Variants in CUL2 observed in about 807,000 individuals in gnomAD.
The protein encoded by CUL2 is cullin-2.
In CUL2, 22 loss-of-function variants were observed where a neutral mutation model predicts 110.2. The ratio of observed to expected loss-of-function variants is 0.20; its 90% CI spans 0.14 to 0.28. CUL2 has a LOEUF of 0.28. CUL2 is among the 10% of genes least tolerant of loss of function. The pLI, the probability that CUL2 is intolerant of heterozygous loss-of-function variation, is 1.00. For missense variants in CUL2, 631 were observed against 905.5 expected, an observed-to-expected ratio of 0.70 and a Z score of 3.89; for synonymous variants, 279 against 293.2, an observed-to-expected ratio of 0.95 and a Z score of 0.49.
intron 1 of CUL2, among the ~76,000 whole-genome samples, chr10:35,119,387 G>T (rs1040776944): frequency 6.6e-6 from 1 of 152,068 alleles, no homozygotes; most frequent in Non-Finnish European, 1.5e-5. Context: ...CTGTGGAGTT[G>T]CTTGAGCCAT....
chr10:35,056,906 A>C (rs1469094829), intron 4 of CUL2, among the ~76,000 whole-genome samples: 1 of 152,108 alleles, frequency 6.6e-6, no homozygotes, highest in Non-Finnish European at 1.5e-5. Flanking sequence ...CTGTCTTCCT[A>C]AAGTATGCAT....
chr10:35,125,207 G>A (rs532823277), intron 1 of CUL2, among the ~76,000 whole-genome samples: 4 of 152,240 alleles, frequency 2.6e-5, no homozygotes, highest in African/African-American at 9.6e-5. Context: ...TACAGCAAGG[G>A]TATAGCAGAG....
chr10:35,017,491 C>T (rs112443055), intron 17 of CUL2, among the ~76,000 whole-genome samples: 3,033 of 152,040 alleles, frequency 0.02, 45 homozygotes, highest in South Asian at 0.038. Flanking sequence ...CCCAGGAGTT[C>T]GAGACCAGCC....
intron 1 of CUL2, among the ~76,000 whole-genome samples, chr10:35,119,560 TTTTATTTATTTA>T (rs10589195): frequency 0.2 from 28,160 of 140,624 alleles, 2,811 homozygotes; most frequent in East Asian, 0.23. Flanking sequence ...TTAAAATTAA[TTTTATTTATTTA>T]TTTATTTATT....
chr10:35,083,646 A>C (rs2086992982), intron 1 of CUL2, among the ~76,000 whole-genome samples: 2 of 152,232 alleles, frequency 1.3e-5, no homozygotes, highest in Non-Finnish European at 2.9e-5. Context: ...GACACAAGTT[A>C]AACTAAAGGT....
chr10:35,010,787 G>C (rs3780889), intron 20 of CUL2, among the ~76,000 whole-genome samples: 35,152 of 151,958 alleles, frequency 0.23, 4,547 homozygotes, highest in African/African-American at 0.35. Context: ...TACTGTATAC[G>C]TTTCCTTCAG....
chr10:35,083,163 A>T (rs1280279899), intron 1 of CUL2, among the ~76,000 whole-genome samples: 1 of 151,946 alleles, frequency 6.6e-6, no homozygotes, highest in East Asian at 1.9e-4. Context: ...TCAAAAAAAA[A>T]AAAAAAGAAA....
intron 9 of CUL2, among the ~76,000 whole-genome samples, chr10:35,038,543 A>AG: frequency 1.3e-5 from 2 of 149,356 alleles, no homozygotes; most frequent in South Asian, 4.2e-4. Flanking sequence ...AAAAAAAAAA[A>AG]AAAAAAATCA....
intron 5 of CUL2, among the ~76,000 whole-genome samples, chr10:35,050,432 A>G (rs2086074224): frequency 6.6e-6 from 1 of 152,248 alleles, no homozygotes; most frequent in South Asian, 2.1e-4. Flanking sequence ...TAAATGAAAT[A>G]ATGTGATTTG....
chr10:35,105,723 A>G (rs963296662), intron 1 of CUL2, among the ~76,000 whole-genome samples: 7 of 152,124 alleles, frequency 4.6e-5, no homozygotes, highest in Non-Finnish European at 7.4e-5. Context: ...AAAAAAAGAA[A>G]AAAACCCAAA....
chr10:35,045,843 T>C (rs2085925302), intron 6 of CUL2, among the ~76,000 whole-genome samples: 1 of 152,216 alleles, frequency 6.6e-6, no homozygotes, highest in South Asian at 2.1e-4. Flanking sequence ...ACCATTATGG[T>C]TTACCTCACT....
chr10:35,032,893 T>TA (rs986139969), intron 11 of CUL2, among the ~76,000 whole-genome samples: 11 of 152,112 alleles, frequency 7.2e-5, no homozygotes, highest in African/African-American at 2.7e-4. Flanking sequence ...AAATCAGTAC[T>TA]AAAAATTGCA....
At chr10:35,012,585 C>T (rs2084930745) in intron 19 of CUL2, among the ~76,000 whole-genome samples, 2 of 152,314 alleles carry the variant, frequency 1.3e-5, no homozygotes, top group South Asian at 2.1e-4. Context: ...GGCATAGAAG[C>T]AGACCATGCC....
chr10:35,125,056 T>A lies in CUL2; in HGVS notation c.-51+1549A>T, dbSNP rs116950476. ...GGCAGATATTTTTTAAAATCTACAA[T>A]AATCCTAACAGGTAGGTACTATTTT... On this transcript the variant is annotated intron_variant, in intron 1 of 5. Transcript: ENST00000685421. Among the ~76,000 whole-genome samples, 138 of 152,332 alleles carry A rather than the reference T, an allele frequency of 9.1e-4. 2 individuals are homozygous for A. The East Asian group carries it at 0.025, about 28-fold the overall frequency.
chr10:35,035,432 C>G, intron 9 of CUL2, 136 bp from the exon 10 acceptor site: 2 of 770,212 alleles, frequency 2.6e-6, no homozygotes, highest in Non-Finnish European at 4.1e-6. Context: ...ATGCCCACCT[C>G]CCAGCCACCC....
At position 35,063,050 on chromosome 10, in the gene CUL2, A is replaced by G. The variant is rs190445375; in HGVS notation, c.132T>C (p.Ala44=). ...GGGGTTCAGGATAGGCCACACATAAAGCATAGATATCTCTAGTTAAATTAT... is the reference window on the plus strand; with the variant it reads ...GGGGTTCAGGATAGGCCACACATAAGGCATAGATATCTCTAGTTAAATTAT... ...TWNDRFSDIY[A]LCVAYPEPLG... The change falls in exon 3 of 21, where the codon GCT becomes GCC. Residue 44 remains alanine (A), a synonymous_variant. Transcript: ENST00000374749. 59 of 1,565,898 alleles carry G rather than the reference A, an allele frequency of 3.8e-5. No individual in the cohort carries two copies. In the African/African-American group the frequency reaches 5.6e-4, roughly 15 times the overall value.
intron 2 of CUL2, chr10:35,097,971 TAATTAAATAA>T (rs1245899892): frequency 2.0e-5 from 3 of 151,744 alleles, no homozygotes; most frequent in Non-Finnish European, 4.4e-5. Flanking sequence ...AAAAATTAAT[TAATTAAATAA>T]AATTAAATAA....
chr10:35,083,827 C>G (rs1300335006), intron 1 of CUL2, among the ~76,000 whole-genome samples: 1 of 152,208 alleles, frequency 6.6e-6, no homozygotes, highest in East Asian at 1.9e-4. Flanking sequence ...ATAGCCTGTA[C>G]TTTCTCTCCT....
intron 1 of CUL2, among the ~76,000 whole-genome samples, chr10:35,106,420 C>T (rs113018497): frequency 0.026 from 3,889 of 151,792 alleles, 168 homozygotes; most frequent in African/African-American, 0.089. Flanking sequence ...CTCAGGTTCA[C>T]GCCATTCTCC....
Sources: gnomAD v4.1 joint callset for allele counts (sites outside exome capture counted in the v4.1 genomes callset) on GRCh38, gnomAD v4.1.1 for gene constraint, MANE v1.5 for transcripts, NCBI Gene and HGNC (gene_info 2026-07-23, HGNC 2026-07-21) for gene names.